Variants in TPPP observed in about 807,000 individuals in gnomAD.
TPPP encodes tubulin polymerization-promoting protein.
A neutral mutation model predicts 15.5 loss-of-function variants in TPPP; 6 were observed. That is an observed-to-expected ratio of 0.39 (90% CI 0.21 to 0.77). TPPP has a LOEUF of 0.77. TPPP is among the 30% of genes least tolerant of loss of function. The pLI is 0.42. For missense variants in TPPP, 269 were observed against 307.2 expected (o/e 0.88, Z 0.93); for synonymous variants, 146 against 133.9 (o/e 1.09, Z -0.63).
chr5:675,874 C>T (rs1004871036), intron 2 of TPPP: 1 of 152,166 alleles, frequency 6.6e-6, no homozygotes, highest in Admixed American at 6.5e-5. Flanking sequence ...AGCCTCCTCT[C>T]ACACCGGCCA....
At chr5:699,990 T>TG in the TPPP span, among the ~76,000 whole-genome samples, 2 of 152,114 alleles carry the variant, frequency 1.3e-5, no homozygotes, top group Non-Finnish European at 2.9e-5. Context: ...GAAGTACTGT[T>TG]GGGGGGAATG....
chr5:668,437 C>T (rs1740040973), intron 2 of TPPP, among the ~76,000 whole-genome samples: 1 of 127,390 alleles, frequency 7.8e-6, no homozygotes, highest in Admixed American at 7.7e-5. Flanking sequence ...TGGGCGCCGT[C>T]AGGGAAGTGC....
chr5:670,355 G>C (rs1740174521), intron 2 of TPPP, among the ~76,000 whole-genome samples: 1 of 152,344 alleles, frequency 6.6e-6, no homozygotes, highest in East Asian at 1.9e-4. Context: ...AGCTGCTGTG[G>C]CTGGAGTGCC....
Position 675,529 on chromosome 5 carries a change from G to GA in TPPP, c.311+2220_311+2221insT, listed in dbSNP as rs1202256682. 4.8e-3 allele frequency among the ~76,000 whole-genome samples: 600 copies of GA among 123,866 alleles called. 17 individuals are homozygous for GA. The highest frequency in any genetic ancestry group is 0.016 in the African/African-American group (575 of 36,038). 81.3% of individuals were successfully genotyped at this position (123,866 alleles called of 152,430 possible). On this transcript the variant is annotated intron_variant, in intron 2 of 3. Coordinates refer to ENST00000360578, the MANE Select transcript of TPPP (RefSeq NM_007030.3). ...TGCAGTGTGACCAGGGGTGCAGTGTGGCCGGGGATGCCGTGTGGCCGGGGG... is the reference window on the plus strand; with the variant it reads ...TGCAGTGTGACCAGGGGTGCAGTGTGAGCCGGGGATGCCGTGTGGCCGGGGG...
In TPPP at chr5:663,752, G is replaced by A. The variant is rs1215613200; in HGVS notation, c.*1350C>T. The A allele has an allele frequency of 2.0e-5, 3 of 152,590 alleles. No homozygotes were observed. The highest frequency in any genetic ancestry group is 4.8e-5 in the African/African-American group (2 of 41,594). The allele number at this position is 152,590 out of a possible 1,614,324, so 9.5% of individuals were successfully genotyped here. A position where few individuals can be genotyped will look rare whatever the true frequency, so the allele number is the denominator to read the frequency against. On this transcript the variant is annotated 3_prime_UTR_variant, in exon 4 of 4. Coordinates refer to ENST00000360578, the MANE Select transcript of TPPP (RefSeq NM_007030.3). ...GCCTGACCGTAGCCACGGGCTAACA[G>A]GCTCTGGAAAAGTTTCCCCAGGACT...
upstream of TPPP, chr5:693,473 T>A (rs1157395842): frequency 7.3e-6 from 1 of 137,652 alleles, no homozygotes; most frequent in Non-Finnish European, 1.6e-5. Context: ...CCCCGCGCGC[T>A]CATTGGCAGC....
At chr5:683,694 C>T (rs369417105) in intron 1 of TPPP, among the ~76,000 whole-genome samples, 7 of 152,246 alleles carry the variant, frequency 4.6e-5, no homozygotes, top group Admixed American at 1.3e-4. Flanking sequence ...GTGAAGGGCA[C>T]GCTGTGTTGC....
chr5:669,329 G>A (rs1217134779), intron 2 of TPPP, among the ~76,000 whole-genome samples: 3 of 152,172 alleles, frequency 2.0e-5, no homozygotes, highest in Non-Finnish European at 4.4e-5. Context: ...GGGGGTCCGC[G>A]GTGTTGGGGG....
rs1740542789 is a variant in TPPP at position 679,044 on chromosome 5, T to C, written c.-4-980A>G. Among the ~76,000 whole-genome samples the C allele has an allele frequency of 2.6e-5, 4 of 152,108 alleles. No individual in the cohort carries two copies. In the South Asian group the frequency reaches 6.2e-4, roughly 24 times the overall value. ...TCAGCACTGCACTGAGAGCTGAACA[T>C]GGCCTCTGCCCACAGACACAAGAGC... On this transcript the variant is annotated intron_variant, in intron 1 of 3. Transcript: ENST00000360578.
At chr5:665,777 C>T (rs1274178280) in intron 3 of TPPP, among the ~76,000 whole-genome samples, 193 bp downstream of exon 3, 1 of 146,064 alleles carries the variant, frequency 6.8e-6, no homozygotes, top group African/African-American at 2.5e-5. Flanking sequence ...ATGCCCCATT[C>T]ATGCCCCTTC....
chr5:672,107 G>A (rs1484444718), intron 2 of TPPP, among the ~76,000 whole-genome samples: 1 of 152,248 alleles, frequency 6.6e-6, no homozygotes, highest in East Asian at 1.9e-4. Context: ...CTGGGAGGTG[G>A]TTGGGTTGGC....
At chr5:685,563 G>T (rs1740744342) in intron 1 of TPPP, among the ~76,000 whole-genome samples, 1 of 152,230 alleles carries the variant, frequency 6.6e-6, no homozygotes, top group Non-Finnish European at 1.5e-5. Flanking sequence ...GGGCAGGGGA[G>T]CAGGGGCTGC....
chr5:681,645 C>A (rs113970430), intron 1 of TPPP, among the ~76,000 whole-genome samples: 1 of 152,182 alleles, frequency 6.6e-6, no homozygotes, highest in East Asian at 1.9e-4. Context: ...CTGGCCAGGA[C>A]CTGCTTGGAG....
chr5:691,571 A>AACCC (rs1740864515), intron 1 of TPPP, among the ~76,000 whole-genome samples: 1 of 47,714 alleles, frequency 2.1e-5, no homozygotes, highest in Non-Finnish European at 4.3e-5. Flanking sequence ...CAGCCCCCCA[A>AACCC]CCCCCATCAA....
intron 2 of TPPP, among the ~76,000 whole-genome samples, chr5:671,199 T>C (rs1740210399): frequency 6.6e-6 from 1 of 151,498 alleles, no homozygotes; most frequent in Admixed American, 6.6e-5. Context: ...ACCCTGCGCT[T>C]GCTGCTAATT....
Position 663,457 on chromosome 5 carries a change from G to A in TPPP, c.*1645C>T, listed in dbSNP as rs1202398564. On this transcript the variant is annotated 3_prime_UTR_variant, in exon 4 of 4. Coordinates refer to ENST00000360578, the MANE Select transcript of TPPP (RefSeq NM_007030.3). Reference sequence around the variant, plus strand: ...CCCTGCCGTGGAAGCTGCCTGCCAGGTCCTCCCCATCCTCAGGTGGAGGCT... The same window carrying A: ...CCCTGCCGTGGAAGCTGCCTGCCAGATCCTCCCCATCCTCAGGTGGAGGCT... 6.6e-6 allele frequency: 1 copy of A among 152,404 alleles called. No homozygotes were observed. Among genetic ancestry groups the A allele is most frequent in the African/African-American group, 2.4e-5 (1 of 41,460 alleles). The allele number at this position is 152,404 out of a possible 1,614,324, so 9.4% of individuals were successfully genotyped here.
rs112390074 is a variant in TPPP, at chr5:684,412, A to T, written c.-4-6348T>A. 2.2e-4 allele frequency among the ~76,000 whole-genome samples: 33 copies of T among 152,196 alleles called. 1 individual carries two copies. Among genetic ancestry groups the T allele is most frequent in the African/African-American group, 7.9e-4 (33 of 41,512 alleles). On this transcript the variant is annotated intron_variant, in intron 1 of 3. Transcript: ENST00000360578. ...GTGTGGTCCTGGCCCCAAGCTGCCCACTGGGCATTCAGCCTGGACAGCTCT... is the reference window on the plus strand; with the variant it reads ...GTGTGGTCCTGGCCCCAAGCTGCCCTCTGGGCATTCAGCCTGGACAGCTCT...
At chr5:676,973 GCA>G (rs1368328375) in intron 2 of TPPP, among the ~76,000 whole-genome samples, 37 of 142,934 alleles carry the variant, frequency 2.6e-4, no homozygotes, top group Middle Eastern at 7.2e-3. Context: ...ACACAGAAAC[GCA>G]CACACGACGC....
At chr5:698,457 T>C in the TPPP span, among the ~76,000 whole-genome samples, 1 of 152,034 alleles carries the variant, frequency 6.6e-6, no homozygotes, top group Non-Finnish European at 1.5e-5. Flanking sequence ...TGCCTGAGAC[T>C]GGGTAATTTA....
Sources: gnomAD v4.1 joint callset for allele counts (sites outside exome capture counted in the v4.1 genomes callset) on GRCh38, gnomAD v4.1.1 for gene constraint, MANE v1.5 for transcripts, NCBI Gene and HGNC (gene_info 2026-07-23, HGNC 2026-07-21) for gene names.